Variants in PDLIM1 observed in about 807,000 individuals in gnomAD.
PDLIM1 encodes the protein PDZ and LIM domain 1, also known as PDZ and LIM domain protein 1.
A neutral mutation model predicts 35.2 loss-of-function variants in PDLIM1; 25 were observed. The observed-to-expected ratio is 0.71, with a 90% CI of 0.52 to 0.99. The LOEUF (loss-of-function observed/expected upper bound fraction) is 0.99, where lower values mean the gene tolerates loss of function less well. PDLIM1 is among the 50% of genes least tolerant of loss of function. PDLIM1 has a pLI of 0.00. For missense variants in PDLIM1, 363 were observed against 415.3 expected, an observed-to-expected ratio of 0.87 and a Z score of 1.09; for synonymous variants, 152 against 154.0, an observed-to-expected ratio of 0.99 and a Z score of 0.10.
In PDLIM1 at chr10:95,237,676, G is replaced by A. The variant is rs1451909262; in HGVS notation, c.*249C>T. 2.7e-5 allele frequency: 13 copies of A among 479,092 alleles called. No homozygotes were observed. The highest frequency in any genetic ancestry group is 3.7e-5 in the Non-Finnish European group (10 of 267,258). The allele number at this position is 479,092 out of a possible 1,614,324, so 29.7% of individuals were successfully genotyped here. Reference sequence around the variant, plus strand: ...ATGTCCAAATGCAGCAGAGAAGAACGGTGGGGCGAAGGGACACAGTGTTGC... The same window carrying A: ...ATGTCCAAATGCAGCAGAGAAGAACAGTGGGGCGAAGGGACACAGTGTTGC... On this transcript the variant is annotated 3_prime_UTR_variant, in exon 7 of 7. Transcript: ENST00000329399.
intron 4 of PDLIM1, among the ~76,000 whole-genome samples, chr10:95,256,250 CTG>C (rs759932822): frequency 1.3e-5 from 2 of 152,072 alleles, no homozygotes; most frequent in African/African-American, 2.4e-5. Flanking sequence ...AGACCTAAGA[CTG>C]TTAAAATATC....
chr10:95,282,186 A>G (rs931972795), intron 1 of PDLIM1, among the ~76,000 whole-genome samples: 7 of 152,250 alleles, frequency 4.6e-5, no homozygotes, highest in East Asian at 3.8e-4. Flanking sequence ...GTATTTGGGT[A>G]CAAATTTAAC....
intron 4 of PDLIM1, among the ~76,000 whole-genome samples, chr10:95,255,399 G>C (rs1173120662): frequency 2.7e-5 from 4 of 147,352 alleles, no homozygotes. Context: ...CAAACTACTA[G>C]CAAACCAAAT....
chr10:95,256,596 G>T (rs1012137636), intron 4 of PDLIM1, among the ~76,000 whole-genome samples: 2 of 152,124 alleles, frequency 1.3e-5, no homozygotes, highest in African/African-American at 2.4e-5. Context: ...AATGGTTAAA[G>T]AATAATTTCT....
chr10:95,273,782 C>T (rs2035487553), intron 1 of PDLIM1, among the ~76,000 whole-genome samples: 1 of 152,178 alleles, frequency 6.6e-6, no homozygotes, highest in Admixed American at 6.5e-5. Context: ...GAGTTAGCTT[C>T]TGAGTCATCC....
intron 4 of PDLIM1, 139 bp from the exon 5 acceptor site, chr10:95,247,505 A>G (rs954699280): frequency 4.6e-6 from 3 of 654,582 alleles, no homozygotes; most frequent in Admixed American, 6.0e-5. Flanking sequence ...AATCAGCCAC[A>G]GACCTGCTGC....
chr10:95,267,401 G>A lies in PDLIM1; in HGVS notation c.333+1377C>T, dbSNP rs45445302. 6.9e-3 allele frequency among the ~76,000 whole-genome samples: 1,058 copies of A among 152,250 alleles called. 6 individuals carry two copies. The highest frequency in any genetic ancestry group is 0.012 in the Non-Finnish European group (837 of 68,004). ...TAACATTTATGGTAAATTTAATGAA[G>A]TAGCTGAGAACTCCCAAGGAAACTG... On this transcript the variant is annotated intron_variant, in intron 3 of 6. Coordinates refer to ENST00000329399, the MANE Select transcript of PDLIM1 (RefSeq NM_020992.4).
chr10:95,284,726 TG>T (rs757433728), intron 1 of PDLIM1, among the ~76,000 whole-genome samples: 1 of 152,224 alleles, frequency 6.6e-6, no homozygotes, highest in Non-Finnish European at 1.5e-5. Flanking sequence ...TTGATACGAA[TG>T]GTCGTGTCTA....
chr10:95,237,931 G>A lies in PDLIM1; in HGVS notation c.984C>T (p.Pro328=). Reference sequence around the variant, plus strand: ...AGTGGTCAGATCTGCTGGCTCACTTGGGGAACACAGTGACCACTTCATAAC... The same window carrying A: ...AGTGGTCAGATCTGCTGGCTCACTTAGGGAACACAGTGACCACTTCATAAC... ...PEGYEVVTVF[P]K Residue 328 remains proline (P), a synonymous_variant, in exon 7 of 7, where the codon CCC becomes CCT. Transcript: ENST00000329399. The A allele has an allele frequency of 6.2e-6, 10 of 1,613,692 alleles. No individual in the cohort carries two copies. Among genetic ancestry groups the A allele is most frequent in the Non-Finnish European group, 7.6e-6 (9 of 1,179,664 alleles).
intron 1 of PDLIM1, among the ~76,000 whole-genome samples, chr10:95,284,419 T>C (rs1038868444): frequency 2.6e-5 from 4 of 152,172 alleles, no homozygotes; most frequent in African/African-American, 9.7e-5. Context: ...AGTGGCGTGA[T>C]TTCAACTCAC....
intron 5 of PDLIM1, among the ~76,000 whole-genome samples, chr10:95,242,164 C>G (rs2035184006): frequency 6.6e-6 from 1 of 152,098 alleles, no homozygotes; most frequent in African/African-American, 2.4e-5. Flanking sequence ...GGGGAAGACT[C>G]AGTTCTGCCC....
At chr10:95,285,803 C>T (rs568758546) in intron 1 of PDLIM1, among the ~76,000 whole-genome samples, 2 of 152,306 alleles carry the variant, frequency 1.3e-5, no homozygotes, top group South Asian at 2.1e-4. Flanking sequence ...TCCTACCTCA[C>T]AAAATACGTG....
In PDLIM1 at chr10:95,268,810, G is replaced by C; in HGVS notation, c.301C>G (p.Pro101Ala). 3.7e-6 allele frequency: 6 copies of C among 1,613,408 alleles called. No individual in the cohort carries two copies. Among genetic ancestry groups the C allele is most frequent in the Non-Finnish European group, 5.1e-6 (6 of 1,179,310 alleles). Residue 101 changes from proline (P) to alanine (A), a missense_variant, in exon 3 of 7, where the codon CCA (proline) becomes GCA (alanine). Transcript: ENST00000329399. Reference protein sequence around the residue: ...PLVTEEGKRHPYKMNLASEPQ... With the variant: ...PLVTEEGKRHAYKMNLASEPQ... ...TCAGAGGCTAAATTCATCTTGTATG[G>C]ATGACGCTTCCCTTCCTCCGTCACC...
At chr10:95,279,118 T>C (rs2035539165) in intron 1 of PDLIM1, among the ~76,000 whole-genome samples, 1 of 152,230 alleles carries the variant, frequency 6.6e-6, no homozygotes, top group African/African-American at 2.4e-5. Context: ...GCAGCTTCTT[T>C]AGAAAAATCA....
intron 4 of PDLIM1, among the ~76,000 whole-genome samples, chr10:95,253,995 T>C (rs1402116766): frequency 6.6e-6 from 1 of 151,606 alleles, no homozygotes; most frequent in East Asian, 1.9e-4. Flanking sequence ...AGACATAGAA[T>C]AAAAAACACT....
In PDLIM1 at chr10:95,238,099, C is replaced by T. The variant is rs547415127; in HGVS notation, c.816G>A (p.Val272=). ...GGTGGCGGTGACGGTCCCGCAGCTTCACAAACACACCACTACAGAAGCAAG... is the reference window on the plus strand; with the variant it reads ...GGTGGCGGTGACGGTCCCGCAGCTTTACAAACACACCACTACAGAAGCAAG... ...KCGTGIVGVF[V]KLRDRHRHPE... Residue 272 remains valine, a synonymous_variant, in exon 7 of 7, where the codon GTG becomes GTA. Coordinates refer to ENST00000329399, the MANE Select transcript of PDLIM1 (RefSeq NM_020992.4). 1 of 1,613,790 alleles carries T rather than the reference C, an allele frequency of 6.2e-7. No individual in the cohort carries two copies. The highest frequency in any genetic ancestry group is 1.1e-5 in the South Asian group (1 of 90,986).
chr10:95,266,994 A>T (rs17453764), intron 3 of PDLIM1, among the ~76,000 whole-genome samples: 9,166 of 152,320 alleles, frequency 0.06, 404 homozygotes, highest in South Asian at 0.19. Flanking sequence ...ATGAACCAAC[A>T]GATCTTTTTA....
intron 4 of PDLIM1, among the ~76,000 whole-genome samples, chr10:95,260,301 C>G (rs1218464134): frequency 2.6e-5 from 4 of 152,152 alleles, no homozygotes; most frequent in Admixed American, 2.6e-4. Flanking sequence ...GGCTCAGGCC[C>G]CTCTATCTAC....
At chr10:95,269,307 C>G (rs907176244) in intron 2 of PDLIM1, among the ~76,000 whole-genome samples, 1 of 152,076 alleles carries the variant, frequency 6.6e-6, no homozygotes, top group Non-Finnish European at 1.5e-5. Flanking sequence ...CGTGGTGGCT[C>G]ACGCCTGTAA....
Sources: gnomAD v4.1 joint callset for allele counts (sites outside exome capture counted in the v4.1 genomes callset) on GRCh38, gnomAD v4.1.1 for gene constraint, MANE v1.5 for transcripts, NCBI Gene and HGNC (gene_info 2026-07-23, HGNC 2026-07-21) for gene names.